CBY1: variants seen among roughly 807,000 people sequenced by gnomAD.
The protein encoded by CBY1 is chibby 1, beta catenin antagonist.
A neutral mutation model predicts 15.6 loss-of-function variants in CBY1; 10 were observed. The ratio of observed to expected loss-of-function variants is 0.64; its 90% CI spans 0.40 to 1.09. The LOEUF (loss-of-function observed/expected upper bound fraction) is 1.09. CBY1 is among the 50% of genes least tolerant of loss of function. The pLI is 0.01. For missense variants in CBY1, 150 were observed against 160.5 expected (o/e 0.93, Z 0.35); for synonymous variants, 61 against 63.5 (o/e 0.96, Z 0.19).
intron 2 of CBY1, chr22:38,670,633 A>G (rs969641226): frequency 2.4e-6 from 1 of 411,574 alleles, no homozygotes; most frequent in South Asian, 3.0e-5. Context: ...GTATAAAATA[A>G]TTCAATTTAT....
intron 1 of CBY1, among the ~76,000 whole-genome samples, chr22:38,658,965 T>C (rs1402972023): frequency 6.6e-6 from 1 of 152,194 alleles, no homozygotes; most frequent in African/African-American, 2.4e-5. Context: ...AGATATAGTC[T>C]CACTTTGTTG....
intron 1 of CBY1, among the ~76,000 whole-genome samples, chr22:38,658,723 G>T (rs1476905028): frequency 6.7e-6 from 1 of 149,158 alleles, no homozygotes; most frequent in African/African-American, 2.5e-5. Flanking sequence ...TGATCCGCCC[G>T]CCTCGGCCTC....
At chr22:38,668,399 T>G in intron 2 of CBY1, 1 of 332,938 alleles carries the variant, frequency 3.0e-6, no homozygotes, top group South Asian at 3.5e-5. Context: ...AGATGGAGTC[T>G]CACTCCCGTC....
intron 1 of CBY1, among the ~76,000 whole-genome samples, chr22:38,663,734 A>G (rs2092428543): frequency 6.6e-6 from 1 of 151,158 alleles, no homozygotes; most frequent in African/African-American, 2.4e-5. Context: ...AAAGAAAGCA[A>G]AAAGAGGTCG....
At chr22:38,662,414 T>C (rs981911812) in intron 1 of CBY1, among the ~76,000 whole-genome samples, 1 of 152,146 alleles carries the variant, frequency 6.6e-6, no homozygotes, top group African/African-American at 2.4e-5. Context: ...AGATGAATTA[T>C]AGTCACAAAT....
In CBY1 at chr22:38,673,233, A is replaced by G; in HGVS notation, c.378A>G (p.Lys126=). 1 of 1,607,314 alleles carries G rather than the reference A, an allele frequency of 6.2e-7. No individual in the cohort carries two copies. Among genetic ancestry groups the G allele is most frequent in the Non-Finnish European group, 8.5e-7 (1 of 1,173,990 alleles). The change falls in exon 5 of 5, where the codon AAA becomes AAG. Residue 126 remains lysine, a synonymous_variant. Transcript: ENST00000216029. ...LDELRISRKR[K] is the part of the protein sequence containing the mutation. ...AACTGAGGATCAGCCGGAAGAGAAA[A>G]TGAAGACCCCAGAGACATTTATTGG...
At position 38,671,262 on chromosome 22, in the gene CBY1, A is replaced by G. The variant is rs529139201; in HGVS notation, c.303+74A>G. On this transcript the variant is annotated intron_variant, in intron 4 of 4. Transcript: ENST00000216029. ...GCTCCACCTCGAGTCACTTAATCCA[A>G]CAGATATCTCCTCAATGCCAGTTTG... is the stretch of plus-strand genomic sequence containing the variant. 1.9e-5 allele frequency: 21 copies of G among 1,111,114 alleles called. No homozygotes were observed. The African/African-American group carries it at 3.2e-4, about 17-fold the overall frequency. The allele number at this position is 1,111,114 out of a possible 1,614,324, so 68.8% of individuals were successfully genotyped here.
At position 38,670,946 on chromosome 22, in the gene CBY1, G is replaced by A. The variant is rs1271083731; in HGVS notation, c.141G>A (p.Leu47=). 3.1e-6 allele frequency: 5 copies of A among 1,614,244 alleles called. No homozygotes were observed. The South Asian group carries it at 5.5e-5, about 18-fold the overall frequency. The change falls in exon 3 of 5, where the codon CTG becomes CTA. Residue 47 remains leucine, a synonymous_variant. Transcript: ENST00000216029. ...AATACGGATCCCCGACTATGAACCTGGCAGGGCAAAGCCTGAAGTTTGAAA... is the reference window on the plus strand; with the variant it reads ...AATACGGATCCCCGACTATGAACCTAGCAGGGCAAAGCCTGAAGTTTGAAA... ...GLEYGSPTMN[L]AGQSLKFENG...
At chr22:38,670,067 A>G (rs940646931) in intron 2 of CBY1, 5 of 152,120 alleles carry the variant, frequency 3.3e-5, no homozygotes, top group African/African-American at 1.2e-4. Flanking sequence ...TGTCTCTACT[A>G]AAAAATACAA....
In CBY1 at chr22:38,662,130, C is replaced by T. The variant is rs1028519660; in HGVS notation, c.-39+5380C>T. On this transcript the variant is annotated intron_variant, in intron 1 of 4. Coordinates refer to ENST00000216029, the MANE Select transcript of CBY1 (RefSeq NM_015373.4). ...CAGCCTGGGCAACATGGCGAAACCC[C>T]GTCTCTACAAAAGACACAAAAATTA... Among the ~76,000 whole-genome samples the T allele has an allele frequency of 5.3e-5, 8 of 151,928 alleles. 1 individual carries two copies. Among genetic ancestry groups the T allele is most frequent in the Admixed American group, 1.3e-4 (2 of 15,226 alleles).
Position 38,670,891 on chromosome 22 carries a change from G to C in CBY1, c.86G>C (p.Arg29Pro). Residue 29 changes from arginine to proline, a missense_variant, in exon 3 of 5, where the codon CGA (arginine) becomes CCA (proline). Physicochemically the swap from Arg to Pro is moderately radical, Grantham distance 103 (BLOSUM62 -2). Transcript: ENST00000216029. ...ASLSNLHSLD[R>P]STREVELGLE... ...ATAGCATCTCGCCCACAGTTGGATC[G>C]ATCAACCCGGGAGGTGGAGCTGGGC... is the stretch of plus-strand genomic sequence containing the variant. 3 of 1,613,594 alleles carry C rather than the reference G, an allele frequency of 1.9e-6. No homozygotes were observed. Among genetic ancestry groups the C allele is most frequent in the Non-Finnish European group, 2.5e-6 (3 of 1,179,624 alleles).
rs569456150 is a variant in CBY1 at position 38,673,320 on chromosome 22, G to C, written c.*84G>C. On this transcript the variant is annotated 3_prime_UTR_variant, in exon 5 of 5. Transcript: ENST00000216029. ...GACTAGCGGATTCAGTCCTGGAAGAGAGTATCATATAATGAGACCCACAGG... is the reference window on the plus strand; with the variant it reads ...GACTAGCGGATTCAGTCCTGGAAGACAGTATCATATAATGAGACCCACAGG... The C allele has an allele frequency of 5.8e-6, 5 of 864,120 alleles. No individual in the cohort carries two copies. The highest frequency in any genetic ancestry group is 2.7e-5 in the South Asian group (2 of 72,904). The allele number at this position is 864,120 out of a possible 1,614,324, so 53.5% of individuals were successfully genotyped here.
At chr22:38,661,661 C>T (rs1478529840) in intron 1 of CBY1, among the ~76,000 whole-genome samples, 1 of 152,074 alleles carries the variant, frequency 6.6e-6, no homozygotes, top group Non-Finnish European at 1.5e-5. Context: ...TGAAAACAGC[C>T]TGGAAGTTTT....
At chr22:38,672,298 TG>T (rs976416533) in intron 4 of CBY1, among the ~76,000 whole-genome samples, 3 of 151,524 alleles carry the variant, frequency 2.0e-5, no homozygotes, top group Non-Finnish European at 4.4e-5. Context: ...CATTTTAGGC[TG>T]GATGTTTTTT....
chr22:38,666,189 T>G (rs6001188), intron 1 of CBY1, among the ~76,000 whole-genome samples: 1 of 149,816 alleles, frequency 6.7e-6, no homozygotes, highest in South Asian at 2.1e-4. Context: ...CTTACACTTA[T>G]GATTTGTGGT....
chr22:38,667,909 C>G, intron 1 of CBY1, 108 bp from the exon 2 acceptor site: 1 of 629,482 alleles, frequency 1.6e-6, no homozygotes, highest in East Asian at 2.8e-5. Context: ...ACCATAGCAC[C>G]AGGATCGTTA....
At chr22:38,669,686 AC>A (rs2092446834) in intron 2 of CBY1, 1 of 152,184 alleles carries the variant, frequency 6.6e-6, no homozygotes, top group South Asian at 2.1e-4. Flanking sequence ...TTGAGCACTT[AC>A]CTGAAGGTCT....
intron 1 of CBY1, among the ~76,000 whole-genome samples, chr22:38,657,432 T>A (rs1253821920): frequency 6.6e-6 from 1 of 152,222 alleles, no homozygotes; most frequent in Middle Eastern, 3.2e-3. Context: ...GGAAGCCAGG[T>A]GCTCCCCCTT....
chr22:38,672,186 C>T (rs1216014204), intron 4 of CBY1, among the ~76,000 whole-genome samples: 28 of 151,240 alleles, frequency 1.9e-4, no homozygotes, highest in Admixed American at 1.1e-3. Context: ...TGCTTGAACC[C>T]GGGAGGTGGA....
Sources: allele counts gnomAD v4.1 joint callset (sites outside exome capture counted in the v4.1 genomes callset), GRCh38; gene constraint gnomAD v4.1.1; transcripts MANE v1.5; gene names NCBI Gene and HGNC (gene_info 2026-07-23, HGNC 2026-07-21).